Variants in BMPR1B observed in about 807,000 individuals in gnomAD.
BMPR1B encodes bone morphogenetic protein receptor type 1B, also known as bone morphogenetic protein receptor type-1B.
BMPR1B carries 12 observed loss-of-function variants against 59.1 expected under a neutral mutation model. That is an observed-to-expected ratio of 0.20 (90% confidence interval 0.13 to 0.33). The LOEUF (loss-of-function observed/expected upper bound fraction) is 0.33. Among genes scored for constraint, BMPR1B ranks in the 10% least tolerant of loss-of-function variants. BMPR1B has a pLI of 1.00. For synonymous variants in BMPR1B, 237 were observed against 207.3 expected (o/e 1.14, Z -1.23); for missense variants, 550 against 610.9 (o/e 0.90, Z 1.05).
At chr4:94,940,012 C>A (rs546612879) in intron 2 of BMPR1B, among the ~76,000 whole-genome samples, 1 of 152,156 alleles carries the variant, frequency 6.6e-6, no homozygotes, top group South Asian at 2.1e-4. Flanking sequence ...TCCCTCACCC[C>A]CTTCCTTTGT....
At chr4:95,047,558 C>T (rs1186221837) in intron 3 of BMPR1B, among the ~76,000 whole-genome samples, 1 of 152,168 alleles carries the variant, frequency 6.6e-6, no homozygotes, top group East Asian at 1.9e-4. Flanking sequence ...CAATCACCTG[C>T]CCAAGGGAGT....
chr4:95,053,730 C>A (rs1726700914), intron 3 of BMPR1B, among the ~76,000 whole-genome samples: 1 of 152,120 alleles, frequency 6.6e-6, no homozygotes, highest in Admixed American at 6.5e-5. Flanking sequence ...TTGATTTTCC[C>A]AGCTTTGTCA....
chr4:94,939,110 A>C (rs1436297029), intron 2 of BMPR1B, among the ~76,000 whole-genome samples: 1 of 152,196 alleles, frequency 6.6e-6, no homozygotes, highest in East Asian at 1.9e-4. Flanking sequence ...TGACAAATAA[A>C]AATGTTTTTA....
intron 2 of BMPR1B, among the ~76,000 whole-genome samples, chr4:94,889,203 T>C (rs1317279848): frequency 2.0e-5 from 3 of 152,098 alleles, no homozygotes; most frequent in Admixed American, 1.3e-4. Flanking sequence ...AAAAGGGAAC[T>C]TAATGGAGTT....
intron 2 of BMPR1B, among the ~76,000 whole-genome samples, chr4:94,941,506 G>A (rs1470287581): frequency 6.6e-6 from 1 of 151,514 alleles, no homozygotes; most frequent in Non-Finnish European, 1.5e-5. Context: ...AAATAGTACA[G>A]TTAAAATCAA....
chr4:94,850,439 TA>T (rs1208581988), intron 1 of BMPR1B, among the ~76,000 whole-genome samples: 1 of 152,202 alleles, frequency 6.6e-6, no homozygotes, highest in Non-Finnish European at 1.5e-5. Context: ...AGTAGTAATG[TA>T]AACAATCTTT....
chr4:94,966,812 A>G (rs1399668734), intron 2 of BMPR1B, among the ~76,000 whole-genome samples: 1 of 152,174 alleles, frequency 6.6e-6, no homozygotes, highest in Non-Finnish European at 1.5e-5. Context: ...GATGACTAAT[A>G]TTAGGTTATT....
rs545436335 is a variant in BMPR1B, at chr4:94,965,483, A to G, written c.-112-30557A>G. Among the ~76,000 whole-genome samples the G allele has an allele frequency of 6.9e-4, 105 of 152,254 alleles. 1 individual carries two copies. Among genetic ancestry groups the G allele is most frequent in the African/African-American group, 2.3e-3 (94 of 41,560 alleles). On this transcript the variant is annotated intron_variant, in intron 2 of 12. Transcript: ENST00000515059. ...CTCCAAAAAAGATGTAGGTATTCCA[A>G]AGACTCCATGCAAATCCATTTGTTT...
At chr4:95,138,813 CT>C (rs1480279083) in intron 10 of BMPR1B, among the ~76,000 whole-genome samples, 1 of 152,126 alleles carries the variant, frequency 6.6e-6, no homozygotes, top group Non-Finnish European at 1.5e-5. Context: ...TTCGTCTAAT[CT>C]TTTTTCAAGG....
chr4:95,061,196 CA>C (rs1560624812), intron 3 of BMPR1B, among the ~76,000 whole-genome samples: 2 of 147,546 alleles, frequency 1.4e-5, no homozygotes, highest in African/African-American at 5.1e-5. Context: ...CACACACACA[CA>C]CACACACACA....
At chr4:94,862,905 T>A (rs11932246) in intron 1 of BMPR1B, among the ~76,000 whole-genome samples, 9,805 of 137,890 alleles carry the variant, frequency 0.071, 888 homozygotes, top group African/African-American at 0.22. Context: ...AGATCGCGCC[T>A]CTGCACTCCA....
chr4:94,840,924 T>G (rs1396716804), intron 1 of BMPR1B, among the ~76,000 whole-genome samples: 3 of 146,934 alleles, frequency 2.0e-5, no homozygotes, highest in Admixed American at 1.4e-4. Flanking sequence ...ATGATGGTGA[T>G]GTACAGATGG....
At chr4:94,758,169 G>T (rs149673144) in intron 1 of BMPR1B, 101 bp downstream of exon 1, 4,089 of 151,252 alleles carry the variant, frequency 0.027, 148 homozygotes, top group African/African-American at 0.079. Flanking sequence ...GCGAGGGGCG[G>T]CGCGGGACGG....
chr4:94,897,941 C>CTTTTTTTTTTT (rs869186341), intron 2 of BMPR1B, among the ~76,000 whole-genome samples: 1 of 90,328 alleles, frequency 1.1e-5, no homozygotes, highest in Non-Finnish European at 2.2e-5. Flanking sequence ...AATTCTTTTC[C>CTTTTTTTTTTT]TTTTTTTTTT....
At chr4:94,946,698 A>G (rs1473802198) in intron 2 of BMPR1B, among the ~76,000 whole-genome samples, 3 of 152,166 alleles carry the variant, frequency 2.0e-5, no homozygotes, top group Admixed American at 6.5e-5. Context: ...TAAATATTCT[A>G]TTCCCTTTCA....
At chr4:94,883,546 G>A (rs907151141) in intron 2 of BMPR1B, among the ~76,000 whole-genome samples, 7 of 151,722 alleles carry the variant, frequency 4.6e-5, no homozygotes, top group Non-Finnish European at 7.4e-5. Context: ...AAATCAAGCA[G>A]CTCATTAATA....
intron 6 of BMPR1B, among the ~76,000 whole-genome samples, chr4:95,120,607 G>GCATTT (rs1560669158): frequency 1.7e-4 from 10 of 57,302 alleles, no homozygotes; most frequent in African/African-American, 5.5e-4. Context: ...TCAATAGCCT[G>GCATTT]CCTTTCCTTC....
intron 1 of BMPR1B, among the ~76,000 whole-genome samples, chr4:94,849,917 C>A (rs914741328): frequency 6.6e-6 from 1 of 151,976 alleles, no homozygotes. Flanking sequence ...TTTTCGTAGA[C>A]CAGCTGTTGC....
intron 11 of BMPR1B, 55 bp from the exon 12 acceptor site, chr4:95,152,588 T>C (rs1049276715): frequency 6.9e-7 from 1 of 1,441,548 alleles, no homozygotes; most frequent in Admixed American, 2.2e-5. Context: ...AGACTTTTAT[T>C]TCTACTTCAC....
Sources: gnomAD v4.1 joint callset for allele counts (sites outside exome capture counted in the v4.1 genomes callset) on GRCh38, gnomAD v4.1.1 for gene constraint, MANE v1.5 for transcripts, NCBI Gene and HGNC (gene_info 2026-07-23, HGNC 2026-07-21) for gene names.